HS3ST2: variants seen among roughly 807,000 people sequenced by gnomAD.
HS3ST2 encodes the protein heparan sulfate-glucosamine 3-sulfotransferase 2, also known as heparan sulfate glucosamine 3-O-sulfotransferase 2.
Under a neutral mutation model 26.3 loss-of-function variants are expected in HS3ST2, and 17 were observed. That is an observed-to-expected ratio of 0.65 (90% confidence interval 0.44 to 0.97). The LOEUF (loss-of-function observed/expected upper bound fraction) is 0.97. Ranked by LOEUF, HS3ST2 falls within the 50% of genes least tolerant of loss-of-function variation. The pLI, the probability that HS3ST2 is intolerant of heterozygous loss-of-function variation, is 0.00. For synonymous variants in HS3ST2, 237 were observed against 219.2 expected, an observed-to-expected ratio of 1.08 and a Z score of -0.72; for missense variants, 402 against 501.2, an observed-to-expected ratio of 0.80 and a Z score of 1.89.
Position 22,814,340 on chromosome 16 carries a change from C to A in HS3ST2, c.-271C>A. 1 of 379,254 alleles carries A rather than the reference C, an allele frequency of 2.6e-6. No homozygotes were observed. Among genetic ancestry groups the A allele is most frequent in the East Asian group, 4.2e-5 (1 of 23,996 alleles). The allele number at this position is 379,254 out of a possible 1,614,324, so 23.5% of individuals were successfully genotyped here. Reference sequence around the variant, plus strand: ...GCGCACGTAAGAGCCTGGGAGCGCCCGAGCCGCCCGGCTGCCCGGAGCCCC... The same window carrying A: ...GCGCACGTAAGAGCCTGGGAGCGCCAGAGCCGCCCGGCTGCCCGGAGCCCC... On this transcript the variant is annotated 5_prime_UTR_variant, in exon 1 of 2. Coordinates refer to ENST00000261374, the MANE Select transcript of HS3ST2 (RefSeq NM_006043.2).
chr16:22,824,534 G>A (rs917435901), intron 1 of HS3ST2, among the ~76,000 whole-genome samples: 3 of 151,266 alleles, frequency 2.0e-5, no homozygotes, highest in East Asian at 1.9e-4. Flanking sequence ...GTGACAGGGC[G>A]AGACTCCGCC....
chr16:22,902,721 AT>A (rs374615562), intron 1 of HS3ST2, among the ~76,000 whole-genome samples: 3,888 of 151,904 alleles, frequency 0.026, 75 homozygotes, highest in Middle Eastern at 0.075. Flanking sequence ...AATTAAAAAA[AT>A]TTTTTTTCCA....
intron 1 of HS3ST2, among the ~76,000 whole-genome samples, chr16:22,855,422 A>G (rs533752154): frequency 2.6e-5 from 4 of 152,114 alleles, no homozygotes; most frequent in Non-Finnish European, 4.4e-5. Flanking sequence ...GCAGGTTTCA[A>G]ATACCTTCAG....
chr16:22,898,151 G>T lies in HS3ST2; in HGVS notation c.486-16793G>T, dbSNP rs949951869. Reference sequence around the variant, plus strand: ...TCATTCTCTTTTGCCTGCCTATGATGGCATGGCACAGTGACAAGGACTGAA... The same window carrying T: ...TCATTCTCTTTTGCCTGCCTATGATTGCATGGCACAGTGACAAGGACTGAA... On this transcript the variant is annotated intron_variant, in intron 1 of 1. Transcript: ENST00000261374. Among the ~76,000 whole-genome samples, 5 of 152,162 alleles carry T rather than the reference G, an allele frequency of 3.3e-5. No homozygotes were observed. In the East Asian group the frequency reaches 9.6e-4, roughly 29 times the overall value.
At chr16:22,880,528 T>C (rs7195630) in intron 1 of HS3ST2, among the ~76,000 whole-genome samples, 4,154 of 152,310 alleles carry the variant, frequency 0.027, 192 homozygotes, top group African/African-American at 0.093. Flanking sequence ...ACATCTGTTG[T>C]CTATATTTTC....
intron 1 of HS3ST2, among the ~76,000 whole-genome samples, chr16:22,899,016 A>G (rs1902246991): frequency 6.6e-6 from 1 of 152,224 alleles, no homozygotes; most frequent in Admixed American, 6.5e-5. Flanking sequence ...GGGCGCTGCT[A>G]TGCTGCAAGA....
At chr16:22,833,134 A>G in intron 1 of HS3ST2, 1 of 429,278 alleles carries the variant, frequency 2.3e-6, no homozygotes, top group Non-Finnish European at 4.7e-6. Context: ...GGAATTGGAC[A>G]CAGAGACTAT....
At chr16:22,852,554 C>G (rs765217410) in intron 1 of HS3ST2, among the ~76,000 whole-genome samples, 16 of 152,114 alleles carry the variant, frequency 1.1e-4, no homozygotes, top group Non-Finnish European at 2.4e-4. Flanking sequence ...CACCTTGGAC[C>G]CCAAAGATTC....
intron 1 of HS3ST2, among the ~76,000 whole-genome samples, chr16:22,870,635 C>T (rs150230361): frequency 2.0e-5 from 3 of 152,244 alleles, no homozygotes; most frequent in East Asian, 1.9e-4. Context: ...CCCTGTCCCC[C>T]GGAAACACCA....
At chr16:22,860,890 A>G (rs903806617) in intron 1 of HS3ST2, among the ~76,000 whole-genome samples, 6 of 151,174 alleles carry the variant, frequency 4.0e-5, no homozygotes, top group African/African-American at 1.5e-4. Context: ...TTATATATAG[A>G]CAGACAGGGT....
At chr16:22,896,082 G>A (rs1024196989) in intron 1 of HS3ST2, among the ~76,000 whole-genome samples, 11 of 152,058 alleles carry the variant, frequency 7.2e-5, no homozygotes, top group African/African-American at 2.7e-4. Flanking sequence ...AAGTAGCTGG[G>A]ACAAGAGGTG....
chr16:22,823,694 G>A, intron 1 of HS3ST2, among the ~76,000 whole-genome samples: 1 of 152,070 alleles, frequency 6.6e-6, no homozygotes, highest in East Asian at 1.9e-4. Flanking sequence ...GGCTGACATG[G>A]GAGATTCACT....
chr16:22,888,764 C>CATAT (rs1902096842), intron 1 of HS3ST2, among the ~76,000 whole-genome samples: 1 of 152,260 alleles, frequency 6.6e-6, no homozygotes, highest in African/African-American at 2.4e-5. Flanking sequence ...TGTTGCCTGC[C>CATAT]ACTTCATCTG....
At position 22,818,738 on chromosome 16, in the gene HS3ST2, TC is replaced by T. The variant is rs1434491965; in HGVS notation, c.485+3646del. Among the ~76,000 whole-genome samples, 13 of 9,606 alleles carry T rather than the reference TC, an allele frequency of 1.4e-3. 1 individual carries two copies. Among genetic ancestry groups the T allele is most frequent in the African/African-American group, 5.2e-3 (11 of 2,120 alleles). 6.3% of individuals were successfully genotyped at this position (9,606 alleles called of 152,430 possible). On this transcript the variant is annotated intron_variant, in intron 1 of 1. Coordinates refer to ENST00000261374, the MANE Select transcript of HS3ST2 (RefSeq NM_006043.2). ...TTCCTTCCTTCCCTCCCTCCCTCCT[TC>T]CCTTCCTTCCTTCCTTCCTTCATTC...
In HS3ST2 at chr16:22,814,760, C is replaced by A. The variant is rs953088831; in HGVS notation, c.150C>A (p.Leu50=). 6 of 1,605,992 alleles carry A rather than the reference C, an allele frequency of 3.7e-6. No individual in the cohort carries two copies. The highest frequency in any genetic ancestry group is 5.1e-6 in the Non-Finnish European group (6 of 1,177,492). ...ACGACCTGGGTCGGAGCCGCCTCCT[C>A]GGCGCGCCTCGCTGCCTCCGCGGCC... ...CCDDLGRSRL[L]GAPRCLRGPS... Residue 50 remains leucine, a synonymous_variant, in exon 1 of 2, where the codon CTC becomes CTA. Transcript: ENST00000261374.
intron 1 of HS3ST2, among the ~76,000 whole-genome samples, chr16:22,890,501 T>C (rs933613765): frequency 2.0e-5 from 3 of 152,230 alleles, no homozygotes; most frequent in Non-Finnish European, 2.9e-5. Flanking sequence ...ATATACATTT[T>C]TGTGCAATAG....
intron 1 of HS3ST2, among the ~76,000 whole-genome samples, chr16:22,848,549 C>G (rs1387517350): frequency 6.6e-6 from 1 of 152,156 alleles, no homozygotes; most frequent in Non-Finnish European, 1.5e-5. Flanking sequence ...AGGATTGCTT[C>G]TGAGTGCAGT....
chr16:22,847,172 C>G (rs1901446573), intron 1 of HS3ST2, among the ~76,000 whole-genome samples: 1 of 152,086 alleles, frequency 6.6e-6, no homozygotes, highest in Non-Finnish European at 1.5e-5. Flanking sequence ...GTCTGCTGTT[C>G]CCCACTTTGA....
At chr16:22,815,847 G>A (rs208952) in intron 1 of HS3ST2, among the ~76,000 whole-genome samples, 64,282 of 152,024 alleles carry the variant, frequency 0.42, 13,953 homozygotes, top group African/African-American at 0.5. Flanking sequence ...AGGCTTTTCT[G>A]AAGTGCCTTA....
Sources: gnomAD v4.1 joint callset for allele counts (sites outside exome capture counted in the v4.1 genomes callset) on GRCh38, gnomAD v4.1.1 for gene constraint, MANE v1.5 for transcripts, NCBI Gene and HGNC (gene_info 2026-07-23, HGNC 2026-07-21) for gene names.